The following CCDC28A variants were observed in gnomAD, a reference collection of about 807,000 sequenced individuals.
CCDC28A encodes coiled-coil domain-containing protein 28A.
In CCDC28A, 24 loss-of-function variants were observed where a neutral mutation model predicts 22.1. That is an observed-to-expected ratio of 1.09 (90% CI 0.79 to 1.53). CCDC28A has a LOEUF of 1.53. Ranked by LOEUF, CCDC28A falls within the 40% of genes most tolerant of loss-of-function variation. The probability of loss-of-function intolerance (pLI) is 0.00; values close to 1 mark genes in which losing one functional copy is unlikely to be tolerated. For missense variants in CCDC28A, 170 were observed against 210.7 expected (o/e 0.81, Z 1.20); for synonymous variants, 83 against 74.7 (o/e 1.11, Z -0.57).
chr6:138,784,023 A>G (rs574361837), intron 3 of CCDC28A, among the ~76,000 whole-genome samples: 89 of 151,652 alleles, frequency 5.9e-4, no homozygotes, highest in African/African-American at 2.1e-3. Flanking sequence ...GATTACAGGC[A>G]CATGCCACCA....
At chr6:138,775,157 T>G (rs935344357) in intron 1 of CCDC28A, among the ~76,000 whole-genome samples, 5 of 152,206 alleles carry the variant, frequency 3.3e-5, no homozygotes, top group Non-Finnish European at 1.5e-5. Flanking sequence ...GCCAGGATGG[T>G]CTCGATCTCC....
intron 1 of CCDC28A, 26 bp downstream of exon 1, chr6:138,773,928 C>T: frequency 6.2e-7 from 1 of 1,608,076 alleles, no homozygotes; most frequent in Admixed American, 1.7e-5. Flanking sequence ...AAAGGAACCT[C>T]CGCAACCTGC....
chr6:138,785,168 C>A (rs576099091), intron 3 of CCDC28A, 59 bp from the exon 4 acceptor site: 1 of 1,216,154 alleles, frequency 8.2e-7, no homozygotes. Flanking sequence ...AGTGTTTTTA[C>A]TCAATGCTGT....
At chr6:138,785,502 C>T (rs1335822411) in intron 4 of CCDC28A, 121 bp downstream of exon 4, 16 of 690,662 alleles carry the variant, frequency 2.3e-5, no homozygotes, top group South Asian at 2.1e-4. Flanking sequence ...AGTGTTGTGC[C>T]GATCGCTGTT....
intron 5 of CCDC28A, among the ~76,000 whole-genome samples, 180 bp downstream of exon 5, chr6:138,788,568 C>CTTTTT (rs3070099): frequency 0.052 from 4,798 of 92,000 alleles, 549 homozygotes; most frequent in African/African-American, 0.13. Context: ...TTTTTCTTTT[C>CTTTTT]TTTTTTTTTT....
chr6:138,775,646 G>A (rs1774920002), intron 1 of CCDC28A, among the ~76,000 whole-genome samples: 1 of 152,156 alleles, frequency 6.6e-6, no homozygotes, highest in Admixed American at 6.5e-5. Flanking sequence ...CATACATTTT[G>A]GAAGAAAGAC....
intron 2 of CCDC28A, among the ~76,000 whole-genome samples, chr6:138,778,389 C>G (rs1309295506): frequency 6.6e-6 from 1 of 152,144 alleles, no homozygotes; most frequent in Admixed American, 6.5e-5. Flanking sequence ...TTTTAGGAAG[C>G]CTTCTCTGGT....
intron 1 of CCDC28A, among the ~76,000 whole-genome samples, chr6:138,775,219 G>A (rs1290073048): frequency 6.6e-6 from 1 of 152,228 alleles, no homozygotes; most frequent in East Asian, 1.9e-4. Flanking sequence ...GATTACAGGC[G>A]TGAGCCCGGC....
chr6:138,788,647 T>C (rs2327900), intron 5 of CCDC28A, among the ~76,000 whole-genome samples: 39,924 of 146,572 alleles, frequency 0.27, 6,032 homozygotes, highest in African/African-American at 0.4. Flanking sequence ...ACGATCATGG[T>C]TCACCACAGT....
rs753498309 is a variant in CCDC28A at position 138,779,885 on chromosome 6, C to T, written c.222C>T (p.Ile74=). 6.2e-7 allele frequency: 1 copy of T among 1,613,594 alleles called. No individual in the cohort carries two copies. The highest frequency in any genetic ancestry group is 1.3e-5 in the African/African-American group (1 of 74,898). Residue 74 remains isoleucine (I), a synonymous_variant, in exon 3 of 6, where the codon ATC becomes ATT. Coordinates refer to ENST00000617445, the MANE Select transcript of CCDC28A (RefSeq NM_015439.3). Reference sequence around the variant, plus strand: ...GCAAAGGCGCTCAGTCAACTCCGATCCAGCACTCCTTCCTCACTGATGTCT... The same window carrying T: ...GCAAAGGCGCTCAGTCAACTCCGATTCAGCACTCCTTCCTCACTGATGTCT... ...GEGKGAQSTP[I]QHSFLTDVSD...
Position 138,785,310 on chromosome 6 carries a change from G to A in CCDC28A, c.406G>A (p.Glu136Lys), listed in dbSNP as rs746049394. Residue 136 changes from glutamate (E) to lysine (K), a missense_variant, in exon 4 of 6, where the codon GAG (glutamate) becomes AAG (lysine). Physicochemically the swap from Glu to Lys is moderately conservative, Grantham distance 56 (BLOSUM62 1). Transcript: ENST00000617445. ...TCGCTTGAATTTGGAGCTCTATGGG[G>A]AGTTAGAGGAACTTCCTGAGGATAA... ...LARLNLELYGELEELPEDKRK... is the reference protein window; with the variant it reads ...LARLNLELYGKLEELPEDKRK... 1.9e-6 allele frequency: 3 copies of A among 1,613,072 alleles called. No homozygotes were observed. Among genetic ancestry groups the A allele is most frequent in the South Asian group, 1.1e-5 (1 of 91,056 alleles).
chr6:138,787,727 G>A (rs368792044), intron 4 of CCDC28A, among the ~76,000 whole-genome samples: 1 of 151,866 alleles, frequency 6.6e-6, no homozygotes, highest in South Asian at 2.1e-4. Flanking sequence ...ACAGGGTTTT[G>A]TTATGTTGCT....
intron 3 of CCDC28A, among the ~76,000 whole-genome samples, chr6:138,780,915 T>A (rs529249560): frequency 1.3e-5 from 2 of 152,282 alleles, no homozygotes; most frequent in African/African-American, 4.8e-5. Context: ...ATATGCATAA[T>A]CTTTTTAAAA....
In CCDC28A at chr6:138,776,036, C is replaced by T. The variant is rs758371172; in HGVS notation, c.-42-43C>T. The T allele has an allele frequency of 4.1e-6, 6 of 1,464,470 alleles. No individual in the cohort carries two copies. In the African/African-American group the frequency reaches 5.6e-5, roughly 14 times the overall value. 90.7% of individuals were successfully genotyped at this position (1,464,470 alleles called of 1,614,324 possible). ...GGTCTTTGAATTTCTTTCATGTTTG[C>T]ATATTATAGCATACATATATAATTG... On this transcript the variant is annotated intron_variant, in intron 1 of 5. Transcript: ENST00000617445.
rs11154999 is a variant in CCDC28A at position 138,773,800 on chromosome 6, C to T, written c.-145C>T. The T allele has an allele frequency of 0.037, 59,613 of 1,613,860 alleles. 1,289 individuals are homozygous for T. The highest frequency in any genetic ancestry group is 0.043 in the Admixed American group (2,605 of 59,990). On this transcript the variant is annotated 5_prime_UTR_variant, in exon 1 of 6. Transcript: ENST00000617445. The stretch of plus-strand genomic sequence containing the variant: ...AAACGGAGCTGCGGAGGAGCGGGTC[C>T]CGGGATGTGACCGGGGCTCTGCTTG...
chr6:138,778,040 G>A (rs181649131), intron 2 of CCDC28A, among the ~76,000 whole-genome samples: 204 of 152,214 alleles, frequency 1.3e-3, no homozygotes, highest in Non-Finnish European at 2.5e-3. Flanking sequence ...ATTACATAAT[G>A]TATGTAATAC....
At chr6:138,784,309 A>G (rs1775061122) in intron 3 of CCDC28A, among the ~76,000 whole-genome samples, 1 of 151,810 alleles carries the variant, frequency 6.6e-6, no homozygotes, top group South Asian at 2.1e-4. Flanking sequence ...TGTTGAAGAA[A>G]ATACATTTTC....
intron 4 of CCDC28A, among the ~76,000 whole-genome samples, chr6:138,786,291 G>T (rs1160166023): frequency 6.6e-6 from 1 of 152,110 alleles, no homozygotes; most frequent in African/African-American, 2.4e-5. Flanking sequence ...GAGATACTGG[G>T]GGTGAGGACT....
intron 5 of CCDC28A, among the ~76,000 whole-genome samples, chr6:138,788,975 A>T (rs1775132791): frequency 1.3e-5 from 2 of 152,120 alleles, no homozygotes; most frequent in African/African-American, 4.8e-5. Flanking sequence ...ATCACATAGG[A>T]TATTTTAGGT....
Sources: allele counts gnomAD v4.1 joint callset (sites outside exome capture counted in the v4.1 genomes callset), GRCh38; gene constraint gnomAD v4.1.1; transcripts MANE v1.5; gene names NCBI Gene and HGNC (gene_info 2026-07-23, HGNC 2026-07-21).